SUPT3H: variants seen among roughly 807,000 people sequenced by gnomAD.
The protein encoded by SUPT3H is transcription initiation protein SPT3 homolog.
A neutral mutation model predicts 44.3 loss-of-function variants in SUPT3H; 44 were observed. The ratio of observed to expected loss-of-function variants is 0.99; its 90% CI spans 0.78 to 1.28. The LOEUF (loss-of-function observed/expected upper bound fraction) is 1.28, where lower values mean the gene tolerates loss of function less well. SUPT3H is among the 50% of genes most tolerant of loss of function. SUPT3H has a pLI of 0.00. For missense variants in SUPT3H, 380 were observed against 387.1 expected (o/e 0.98, Z 0.15); for synonymous variants, 124 against 125.6 (o/e 0.99, Z 0.09).
At chr6:45,323,711 T>C (rs1785899700) in intron 2 of SUPT3H, among the ~76,000 whole-genome samples, 2 of 151,916 alleles carry the variant, frequency 1.3e-5, no homozygotes, top group Admixed American at 6.6e-5. Context: ...ACTAAAAGAG[T>C]TCAATTGAAA....
chr6:44,914,059 C>A (rs1767452806), intron 10 of SUPT3H, among the ~76,000 whole-genome samples: 1 of 152,070 alleles, frequency 6.6e-6, no homozygotes, highest in South Asian at 2.1e-4. Flanking sequence ...TATCCAGAAC[C>A]TAATAGTTAG....
At chr6:45,032,844 G>A (rs536147384) in intron 3 of SUPT3H, among the ~76,000 whole-genome samples, 2 of 152,072 alleles carry the variant, frequency 1.3e-5, no homozygotes, top group East Asian at 1.9e-4. Context: ...ATAAGAAGGC[G>A]GCTTCCTTTC....
chr6:45,278,856 T>C (rs775792966), intron 2 of SUPT3H, among the ~76,000 whole-genome samples: 1 of 152,116 alleles, frequency 6.6e-6, no homozygotes, highest in African/African-American at 2.4e-5. Context: ...AAATTATTCA[T>C]GAATAAGACA....
At chr6:44,894,646 C>T (rs570927602) in intron 10 of SUPT3H, among the ~76,000 whole-genome samples, 1 of 152,144 alleles carries the variant, frequency 6.6e-6, no homozygotes, top group African/African-American at 2.4e-5. Context: ...AGTTTGAAGT[C>T]AGGTAGCGTG....
intron 3 of SUPT3H, among the ~76,000 whole-genome samples, chr6:45,021,811 A>G (rs1785173456): frequency 6.6e-6 from 1 of 152,020 alleles, no homozygotes; most frequent in Non-Finnish European, 1.5e-5. Flanking sequence ...AATAGACTAT[A>G]AACTCGCTAT....
intron 6 of SUPT3H, among the ~76,000 whole-genome samples, chr6:44,993,276 A>C (rs1279040489): frequency 6.6e-6 from 1 of 152,144 alleles, no homozygotes; most frequent in East Asian, 1.9e-4. Flanking sequence ...CCTCAGCTGA[A>C]GCTCATATTT....
intron 3 of SUPT3H, among the ~76,000 whole-genome samples, chr6:45,039,060 T>TC (rs1276195887): frequency 6.6e-6 from 1 of 152,132 alleles, no homozygotes; most frequent in East Asian, 1.9e-4. Flanking sequence ...CTATTTCACT[T>TC]CCCGTTAGTG....
At chr6:44,989,042 T>C (rs1185360919) in intron 6 of SUPT3H, among the ~76,000 whole-genome samples, 5 of 152,096 alleles carry the variant, frequency 3.3e-5, no homozygotes, top group Non-Finnish European at 4.4e-5. Context: ...ATTTGGCCTA[T>C]AGTTGTATGT....
chr6:45,353,152 T>A (rs1214976719), intron 2 of SUPT3H, among the ~76,000 whole-genome samples: 1 of 152,122 alleles, frequency 6.6e-6, no homozygotes, highest in South Asian at 2.1e-4. Flanking sequence ...AATGATTTCA[T>A]TAATCAACTT....
chr6:45,339,121 A>T (rs1789222804), intron 2 of SUPT3H, among the ~76,000 whole-genome samples: 1 of 152,162 alleles, frequency 6.6e-6, no homozygotes, highest in African/African-American at 2.4e-5. Context: ...TTATTGCTTG[A>T]CTATAAGGCT....
At chr6:45,061,977 C>T (rs1477972943) in intron 3 of SUPT3H, among the ~76,000 whole-genome samples, 1 of 143,136 alleles carries the variant, frequency 7.0e-6, no homozygotes, top group Non-Finnish European at 1.5e-5. Context: ...TGAACACTTA[C>T]ACACTAAAAC....
chr6:45,105,948 C>T lies in SUPT3H; in HGVS notation c.160G>A (p.Val54Met). ...LHETAVLVEDVVHTQLINLLQ... is the reference protein window; with the variant it reads ...LHETAVLVEDMVHTQLINLLQ... ...AGATTAATTAACTGAGTGTGTACCACATCTTCTACCAAAACTGCTGTTTCA... is the reference window on the plus strand; with the variant it reads ...AGATTAATTAACTGAGTGTGTACCATATCTTCTACCAAAACTGCTGTTTCA... The change falls in exon 3 of 11, where the codon GTG becomes ATG. Residue 54 changes from valine to methionine, a missense_variant. Coordinates refer to ENST00000371459, the MANE Select transcript of SUPT3H (RefSeq NM_003599.4). 1.2e-6 allele frequency: 2 copies of T among 1,613,720 alleles called. No homozygotes were observed. The highest frequency in any genetic ancestry group is 2.2e-5 in the East Asian group (1 of 44,834).
intron 3 of SUPT3H, among the ~76,000 whole-genome samples, chr6:45,083,095 A>G (rs1042928508): frequency 4.5e-4 from 68 of 151,850 alleles, no homozygotes; most frequent in Admixed American, 2.1e-3. Flanking sequence ...GGAGAACTAT[A>G]AAACCCTGCT....
intron 6 of SUPT3H, among the ~76,000 whole-genome samples, chr6:44,996,195 A>G (rs569774028): frequency 6.6e-6 from 1 of 151,976 alleles, no homozygotes; most frequent in South Asian, 2.1e-4. Context: ...TTACTAATCT[A>G]CATTTCCACA....
chr6:45,080,332 T>C (rs186933496), intron 3 of SUPT3H, among the ~76,000 whole-genome samples: 4 of 152,276 alleles, frequency 2.6e-5, no homozygotes, highest in African/African-American at 9.6e-5. Flanking sequence ...CTCTCATACA[T>C]GTTGGTTTGA....
chr6:45,287,442 T>C (rs1316691890), intron 2 of SUPT3H, among the ~76,000 whole-genome samples: 1 of 152,124 alleles, frequency 6.6e-6, no homozygotes, highest in African/African-American at 2.4e-5. Context: ...AAGGAAATTC[T>C]GTAACACACT....
chr6:45,358,574 G>A (rs1410409875), intron 2 of SUPT3H, among the ~76,000 whole-genome samples: 2 of 152,000 alleles, frequency 1.3e-5, no homozygotes, highest in East Asian at 1.9e-4. Context: ...AAAGATAATG[G>A]TAACAAGAGC....
chr6:44,907,447 C>T (rs146680549), intron 10 of SUPT3H, among the ~76,000 whole-genome samples: 56 of 152,228 alleles, frequency 3.7e-4, no homozygotes, highest in Admixed American at 2.2e-3. Flanking sequence ...GAGGCTGAGA[C>T]GGGCGGATCA....
At chr6:45,090,470 A>G (rs1022313226) in intron 3 of SUPT3H, among the ~76,000 whole-genome samples, 3 of 152,034 alleles carry the variant, frequency 2.0e-5, no homozygotes, top group Non-Finnish European at 4.4e-5. Context: ...CTTTATTCTC[A>G]CAAAAGAGAC....
Sources: gnomAD v4.1 joint callset for allele counts (sites outside exome capture counted in the v4.1 genomes callset) on GRCh38, gnomAD v4.1.1 for gene constraint, MANE v1.5 for transcripts, NCBI Gene and HGNC (gene_info 2026-07-23, HGNC 2026-07-21) for gene names.